CLASP1: variants seen among roughly 807,000 people sequenced by gnomAD.
The protein encoded by CLASP1 is CLIP-associating protein 1.
CLASP1 carries 38 observed loss-of-function variants against 192.3 expected under a neutral mutation model. The ratio of observed to expected loss-of-function variants is 0.20; its 90% confidence interval spans 0.15 to 0.26. The LOEUF (loss-of-function observed/expected upper bound fraction) is 0.26. CLASP1 is among the 10% of genes least tolerant of loss of function. CLASP1 has a pLI of 1.00. For missense variants in CLASP1, 1,433 were observed against 1,932.5 expected, an observed-to-expected ratio of 0.74 and a Z score of 4.85; for synonymous variants, 691 against 712.8, an observed-to-expected ratio of 0.97 and a Z score of 0.49.
chr2:121,512,829 A>G (rs1192074455), intron 7 of CLASP1, among the ~76,000 whole-genome samples: 2 of 152,246 alleles, frequency 1.3e-5, no homozygotes, highest in Non-Finnish European at 1.5e-5. Context: ...GATATAATTA[A>G]TCGTATTCTT....
intron 8 of CLASP1, among the ~76,000 whole-genome samples, chr2:121,483,998 G>T (rs781754430): frequency 2.0e-5 from 3 of 152,088 alleles, no homozygotes; most frequent in Non-Finnish European, 4.4e-5. Context: ...TGCATGGCCG[G>T]GTATACAGGC....
At chr2:121,418,653 A>G in exon 23 of CLASP1, 1 of 1,613,892 alleles carries the variant, frequency 6.2e-7, no homozygotes, top group Non-Finnish European at 8.5e-7. Flanking sequence ...CAGGGCTTGT[A>G]TCTCGGCTGC....
chr2:121,610,270 G>A (rs984070143), intron 1 of CLASP1, among the ~76,000 whole-genome samples: 21 of 151,626 alleles, frequency 1.4e-4, no homozygotes, highest in African/African-American at 4.8e-4. Context: ...GTTACAGGAG[G>A]AAGAGAAACT....
intron 2 of CLASP1, chr2:121,531,016 C>A (rs73950985): frequency 3.3e-5 from 23 of 699,912 alleles, no homozygotes; most frequent in Non-Finnish European, 5.5e-5. Context: ...AAATGAAAAC[C>A]TGTTTTCATA....
At chr2:121,427,601 C>T (rs2080665707) in intron 20 of CLASP1, 171 bp from the exon 21 acceptor site, 1 of 667,682 alleles carries the variant, frequency 1.5e-6, no homozygotes, top group Non-Finnish European at 2.7e-6. Flanking sequence ...TTATGTTTAT[C>T]TTTGTCATTC....
intron 7 of CLASP1, among the ~76,000 whole-genome samples, chr2:121,507,076 A>G (rs2093967594): frequency 6.6e-6 from 1 of 152,354 alleles, no homozygotes; most frequent in East Asian, 1.9e-4. Flanking sequence ...GGAAATAAAA[A>G]TCAGTCAACA....
chr2:121,390,992 T>C, intron 30 of CLASP1, among the ~76,000 whole-genome samples: 1 of 152,190 alleles, frequency 6.6e-6, no homozygotes, highest in Admixed American at 6.5e-5. Context: ...CTAATATCTT[T>C]CGTTTTTACT....
chr2:121,470,201 T>G (rs966732321), intron 8 of CLASP1: 1 of 551,354 alleles, frequency 1.8e-6, no homozygotes, highest in African/African-American at 1.9e-5. Context: ...TTTTGAAAAA[T>G]AGAACAAATA....
chr2:121,507,740 G>A (rs765853902), intron 7 of CLASP1, among the ~76,000 whole-genome samples: 19 of 152,106 alleles, frequency 1.2e-4, no homozygotes, highest in Non-Finnish European at 2.6e-4. Flanking sequence ...ACTGTCACAA[G>A]AGAAGACAAA....
intron 1 of CLASP1, among the ~76,000 whole-genome samples, chr2:121,609,774 C>G (rs372928245): frequency 1.4e-4 from 21 of 152,190 alleles, no homozygotes; most frequent in African/African-American, 4.3e-4. Flanking sequence ...AACCCTGTCT[C>G]TACTAAAAAT....
intron 3 of CLASP1, among the ~76,000 whole-genome samples, chr2:121,529,575 T>C (rs982093007): frequency 2.6e-5 from 4 of 152,220 alleles, no homozygotes; most frequent in Non-Finnish European, 5.9e-5. Context: ...ATAGAGATGC[T>C]TAGTGTTTAT....
chr2:121,499,813 G>GA lies in CLASP1; in HGVS notation c.712+3353dup, dbSNP rs1181099449. Among the ~76,000 whole-genome samples the GA allele has an allele frequency of 9.3e-3, 1,310 of 140,886 alleles. 19 individuals are homozygous for GA. Among genetic ancestry groups the GA allele is most frequent in the African/African-American group, 0.027 (1,057 of 38,548 alleles). The allele number at this position is 140,886 out of a possible 152,430, so 92.4% of individuals were successfully genotyped here. ...AAATAAACTTCTATTCCTGCTCTGG[G>GA]AAAAAAAAAAAAGATAAGATAAACA... On this transcript the variant is annotated intron_variant, in intron 8 of 39. Coordinates refer to ENST00000263710, the Ensembl canonical transcript of CLASP1.
intron 23 of CLASP1, 128 bp from the exon 25 acceptor site, chr2:121,411,097 CACTTG>C (rs2077632708): frequency 1.6e-6 from 1 of 609,908 alleles, no homozygotes; most frequent in African/African-American, 1.9e-5. Flanking sequence ...ATTTTAACTA[CACTTG>C]ACTTGTTTAC....
chr2:121,589,487 G>A (rs1469061017), intron 2 of CLASP1, among the ~76,000 whole-genome samples: 1 of 152,018 alleles, frequency 6.6e-6, no homozygotes, highest in African/African-American at 2.4e-5. Context: ...AAAATTAGCC[G>A]GGTGTGGTGG....
chr2:121,360,148 C>G (rs1197052120), intron 37 of CLASP1, among the ~76,000 whole-genome samples: 1 of 152,186 alleles, frequency 6.6e-6, no homozygotes, highest in East Asian at 1.9e-4. Flanking sequence ...AAGAGAAGGG[C>G]AGCTGGTGCC....
chr2:121,647,166 A>AT (rs2073332005), intron 1 of CLASP1, among the ~76,000 whole-genome samples: 2 of 152,056 alleles, frequency 1.3e-5, no homozygotes, highest in Non-Finnish European at 2.9e-5. Flanking sequence ...TCAGGAGTTC[A>AT]AGACCAGCCT....
At chr2:121,443,893 G>A (rs913498081) in intron 19 of CLASP1, among the ~76,000 whole-genome samples, 2 of 151,996 alleles carry the variant, frequency 1.3e-5, no homozygotes, top group Non-Finnish European at 2.9e-5. Context: ...AGTAACATAC[G>A]GATTAAAAGA....
intron 34 of CLASP1, among the ~76,000 whole-genome samples, chr2:121,375,129 G>T (rs756140077): frequency 4.6e-5 from 7 of 152,096 alleles, no homozygotes; most frequent in Non-Finnish European, 8.8e-5. Flanking sequence ...CATGGGGGCA[G>T]ATTTACCCCT....
At chr2:121,611,780 A>G (rs191760968) in intron 1 of CLASP1, among the ~76,000 whole-genome samples, 1 of 148,762 alleles carries the variant, frequency 6.7e-6, no homozygotes, top group Non-Finnish European at 1.5e-5. Flanking sequence ...GAGGAGTTAC[A>G]GGAGAAAGAG....
Sources: gnomAD v4.1 joint callset for allele counts (sites outside exome capture counted in the v4.1 genomes callset) on GRCh38, gnomAD v4.1.1 for gene constraint, MANE v1.5 for transcripts, NCBI Gene and HGNC (gene_info 2026-07-23, HGNC 2026-07-21) for gene names.